The following ACAP2 variants were observed in gnomAD, a reference collection of about 807,000 sequenced individuals.
ACAP2 encodes the protein arf-GAP with coiled-coil, ANK repeat and PH domain-containing protein 2.
Under a neutral mutation model 115.8 loss-of-function variants are expected in ACAP2, and 39 were observed. The ratio of observed to expected loss-of-function variants is 0.34; its 90% confidence interval spans 0.26 to 0.44. The LOEUF (loss-of-function observed/expected upper bound fraction) is 0.44, where lower values mean the gene tolerates loss of function less well. Among genes scored for constraint, ACAP2 ranks in the 20% least tolerant of loss-of-function variants. ACAP2 has a pLI of 1.00. For synonymous variants in ACAP2, 289 were observed against 315.8 expected, an observed-to-expected ratio of 0.92 and a Z score of 0.90; for missense variants, 662 against 927.6, an observed-to-expected ratio of 0.71 and a Z score of 3.72.
At chr3:195,284,380 G>A (rs997079513) in intron 22 of ACAP2, among the ~76,000 whole-genome samples, 2 of 152,094 alleles carry the variant, frequency 1.3e-5, no homozygotes, top group Non-Finnish European at 2.9e-5. Flanking sequence ...TAACATTCAA[G>A]TTTGAAACAA....
intron 18 of ACAP2, among the ~76,000 whole-genome samples, chr3:195,294,193 A>T (rs1206412208): frequency 2.0e-5 from 3 of 152,106 alleles, no homozygotes; most frequent in Non-Finnish European, 4.4e-5. Flanking sequence ...TAGCTAGGAC[A>T]GAATTTCCAA....
intron 4 of ACAP2, among the ~76,000 whole-genome samples, chr3:195,372,554 C>A (rs1437996775): frequency 6.6e-6 from 1 of 152,044 alleles, no homozygotes; most frequent in Non-Finnish European, 1.5e-5. Flanking sequence ...GACACAATAG[C>A]CCGCACCTTG....
chr3:195,324,875 A>G (rs1292609199), intron 9 of ACAP2, among the ~76,000 whole-genome samples: 1 of 152,246 alleles, frequency 6.6e-6, no homozygotes, highest in Non-Finnish European at 1.5e-5. Flanking sequence ...TAAGACTGAT[A>G]AAAATAAGCT....
At chr3:195,333,751 C>G (rs1278257311) in intron 7 of ACAP2, among the ~76,000 whole-genome samples, 1 of 152,092 alleles carries the variant, frequency 6.6e-6, no homozygotes, top group African/African-American at 2.4e-5. Flanking sequence ...TTATGTGCTC[C>G]TTCAACCAAG....
At chr3:195,413,310 A>G (rs1713440060) in intron 1 of ACAP2, among the ~76,000 whole-genome samples, 1 of 152,234 alleles carries the variant, frequency 6.6e-6, no homozygotes, top group Admixed American at 6.5e-5. Context: ...TTTTAAAGTA[A>G]ATATTGCTTA....
At chr3:195,361,817 T>C (rs896410034) in intron 4 of ACAP2, among the ~76,000 whole-genome samples, 1 of 151,720 alleles carries the variant, frequency 6.6e-6, no homozygotes, top group African/African-American at 2.4e-5. Context: ...AATAAAAAAA[T>C]CAGAGATGAA....
rs547809541 is a variant in ACAP2, at chr3:195,415,814, C to T, written c.54-23667G>A. Among the ~76,000 whole-genome samples the T allele has an allele frequency of 3.8e-4, 58 of 151,634 alleles. No homozygotes were observed. In the Middle Eastern group the frequency reaches 0.017, roughly 45 times the overall value. ...AAATGATAAATGTATTTTTATGAGTCAGTAAATTTTTTAAAATTTCAAGTC... is the reference window on the plus strand; with the variant it reads ...AAATGATAAATGTATTTTTATGAGTTAGTAAATTTTTTAAAATTTCAAGTC... On this transcript the variant is annotated intron_variant, in intron 1 of 22. Coordinates refer to ENST00000326793, the MANE Select transcript of ACAP2 (RefSeq NM_012287.6).
chr3:195,331,865 T>C (rs1730190973), intron 8 of ACAP2, among the ~76,000 whole-genome samples: 1 of 152,170 alleles, frequency 6.6e-6, no homozygotes, highest in Non-Finnish European at 1.5e-5. Context: ...CCAGGCACAG[T>C]GGCTCACGCC....
Position 195,294,723 on chromosome 3 carries a change from C to G in ACAP2, c.1761G>C (p.Glu587Asp). 6.3e-7 allele frequency: 1 copy of G among 1,591,932 alleles called. No individual in the cohort carries two copies. The highest frequency in any genetic ancestry group is 1.3e-5 in the African/African-American group (1 of 74,228). ...TTGAGTTTCATCAGAACTCACCAGG[C>G]TCATATAAACTATTGGCTGACACCG... ...PSTVSANSLY[E>D]PEGERQDSSM... The change falls in exon 18 of 23, where the codon GAG becomes GAC. Residue 587 changes from glutamate to aspartate, a missense_variant. Physicochemically the swap from Glu to Asp is conservative, Grantham distance 45 (BLOSUM62 2). This residue lies in a region of ACAP2 where 133 missense variants were observed against 123.1 expected (regional missense o/e 1.08). Transcript: ENST00000326793.
chr3:195,390,310 A>G (rs1359836593), intron 2 of ACAP2, among the ~76,000 whole-genome samples: 1 of 152,192 alleles, frequency 6.6e-6, no homozygotes, highest in African/African-American at 2.4e-5. Flanking sequence ...AAACGGGAGT[A>G]ATAACACTTG....
At position 195,301,957 on chromosome 3, in the gene ACAP2, C is replaced by G; in HGVS notation, c.1325+9G>C. The G allele has an allele frequency of 6.2e-7, 1 of 1,611,228 alleles. No individual in the cohort carries two copies. The highest frequency in any genetic ancestry group is 8.5e-7 in the Non-Finnish European group (1 of 1,179,038). On this transcript the variant is annotated intron_variant, in intron 14 of 22. Transcript: ENST00000326793. ...AGAAGAAATTCTCATCCTGGGCAGGCCTACCCACCGGTGAATTCCGGAGCA... is the reference window on the plus strand; with the variant it reads ...AGAAGAAATTCTCATCCTGGGCAGGGCTACCCACCGGTGAATTCCGGAGCA...
chr3:195,350,773 C>A (rs891432617), intron 4 of ACAP2, among the ~76,000 whole-genome samples: 2 of 151,372 alleles, frequency 1.3e-5, no homozygotes, highest in African/African-American at 2.4e-5. Context: ...GGAAAATGTA[C>A]AGAGCAAGCT....
intron 4 of ACAP2, among the ~76,000 whole-genome samples, chr3:195,358,296 A>G (rs1053863452): frequency 1.3e-5 from 2 of 152,200 alleles, no homozygotes; most frequent in Non-Finnish European, 2.9e-5. Context: ...GAAGCCTACA[A>G]TAAATATCTA....
Position 195,320,717 on chromosome 3 carries a change from AGGCATTGCT to A in ACAP2, c.832_840del (p.Ser278_Ala280del). The A allele has an allele frequency of 6.2e-7, 1 of 1,612,746 alleles. No individual in the cohort carries two copies. The highest frequency in any genetic ancestry group is 8.5e-7 in the Non-Finnish European group (1 of 1,178,936). ...ATATATTACCTGTTCCAAGTTTTGA[AGGCATTGCT>A]GGCTCGTTTGAACAGATATCCTTCC... On this transcript the variant is annotated inframe_deletion, in exon 10 of 23. Transcript: ENST00000326793.
chr3:195,442,424 G>A, intron 1 of ACAP2: 4 of 359,060 alleles, frequency 1.1e-5, no homozygotes, highest in South Asian at 4.3e-5. Flanking sequence ...AAGGAAGGGG[G>A]AAGGAAGAGC....
intron 1 of ACAP2, among the ~76,000 whole-genome samples, chr3:195,439,870 G>A (rs901440042): frequency 1.3e-5 from 2 of 151,942 alleles, no homozygotes; most frequent in Non-Finnish European, 2.9e-5. Flanking sequence ...TAAGTGATCC[G>A]CCGTCCTCCA....
chr3:195,321,936 T>C (rs550833966), intron 9 of ACAP2, among the ~76,000 whole-genome samples: 1 of 152,298 alleles, frequency 6.6e-6, no homozygotes, highest in African/African-American at 2.4e-5. Flanking sequence ...AATCTGACAC[T>C]GTCTATGGCA....
chr3:195,392,143 C>G lies in ACAP2; in HGVS notation c.58G>C (p.Ala20Pro). ...ACATCACCTTCTACTTCTTCCAAAG[C>G]TGCCCTAGAAAAATTAAATATAAAA... Reference protein sequence around the residue: ...CLKDSPRFRAALEEVEGDVAE... With the variant: ...CLKDSPRFRAPLEEVEGDVAE... Residue 20 changes from alanine (A) to proline (P), a missense_variant, in exon 2 of 23, where the codon GCT (alanine) becomes CCT (proline). Ala to Pro is a conservative substitution (Grantham distance 27). This residue lies in a region of ACAP2 where 401 missense variants were observed against 604.4 expected (regional missense o/e 0.66). Coordinates refer to ENST00000326793, the MANE Select transcript of ACAP2 (RefSeq NM_012287.6). 1 of 1,611,734 alleles carries G rather than the reference C, an allele frequency of 6.2e-7. No homozygotes were observed. The highest frequency in any genetic ancestry group is 8.5e-7 in the Non-Finnish European group (1 of 1,178,748).
At chr3:195,296,126 G>A (rs945030373) in intron 16 of ACAP2, among the ~76,000 whole-genome samples, 1 of 151,534 alleles carries the variant, frequency 6.6e-6, no homozygotes, top group African/African-American at 2.4e-5. Flanking sequence ...AAAATCACTA[G>A]TATTAACATG....
Sources: gnomAD v4.1 joint callset for allele counts (sites outside exome capture counted in the v4.1 genomes callset) on GRCh38, gnomAD v4.1.1 for gene constraint, gnomAD v4.1.1 regional missense constraint, MANE v1.5 for transcripts, NCBI Gene and HGNC (gene_info 2026-07-23, HGNC 2026-07-21) for gene names.